GRM8: variants seen among roughly 807,000 people sequenced by gnomAD.
GRM8 encodes the protein glutamate metabotropic receptor 8, also known as metabotropic glutamate receptor 8.
A neutral mutation model predicts 87.2 loss-of-function variants in GRM8; 47 were observed. The observed-to-expected ratio is 0.54, with a 90% CI of 0.43 to 0.69. The LOEUF (loss-of-function observed/expected upper bound fraction) is 0.69, where lower values mean the gene tolerates loss of function less well. GRM8 is among the 30% of genes least tolerant of loss of function. GRM8 has a pLI of 0.00. For missense variants in GRM8, 1,019 were observed against 1,139.2 expected, an observed-to-expected ratio of 0.89 and a Z score of 1.52; for synonymous variants, 396 against 404.5, an observed-to-expected ratio of 0.98 and a Z score of 0.25.
chr7:126,941,345 C>A (rs923936235), intron 3 of GRM8, among the ~76,000 whole-genome samples: 2 of 151,442 alleles, frequency 1.3e-5, no homozygotes, highest in South Asian at 4.2e-4. Flanking sequence ...CGGTGACTCA[C>A]GGCTGTAATC....
chr7:127,046,456 T>A (rs1818940792), intron 3 of GRM8, among the ~76,000 whole-genome samples: 1 of 152,224 alleles, frequency 6.6e-6, no homozygotes, highest in Non-Finnish European at 1.5e-5. Flanking sequence ...AAGACAGAGT[T>A]ACTTACTAGC....
chr7:126,995,329 C>T (rs1396816660), intron 3 of GRM8, among the ~76,000 whole-genome samples: 1 of 152,182 alleles, frequency 6.6e-6, no homozygotes, highest in Non-Finnish European at 1.5e-5. Flanking sequence ...TCAAGACCAT[C>T]TAGGAAAACA....
At chr7:127,206,774 C>T (rs1428346238) in intron 2 of GRM8, among the ~76,000 whole-genome samples, 1 of 152,184 alleles carries the variant, frequency 6.6e-6, no homozygotes, top group Non-Finnish European at 1.5e-5. Context: ...TTCATAAATC[C>T]TCTGTGCAAA....
intron 7 of GRM8, among the ~76,000 whole-genome samples, chr7:126,713,607 GT>G (rs1811367362): frequency 1.1e-5 from 1 of 88,706 alleles, no homozygotes; most frequent in African/African-American, 4.3e-5. Flanking sequence ...AGAACTTAAA[GT>G]AAAAAAAAAA....
At chr7:127,177,695 G>A (rs529171246) in intron 2 of GRM8, among the ~76,000 whole-genome samples, 3 of 152,176 alleles carry the variant, frequency 2.0e-5, no homozygotes, top group Non-Finnish European at 4.4e-5. Flanking sequence ...ACAACCCCCA[G>A]TACCAGTCCA....
At chr7:126,730,282 A>G (rs1271715607) in intron 7 of GRM8, among the ~76,000 whole-genome samples, 1 of 152,188 alleles carries the variant, frequency 6.6e-6, no homozygotes, top group Non-Finnish European at 1.5e-5. Flanking sequence ...ATGAAGCTTG[A>G]TCAAAGATTT....
At chr7:126,828,624 A>C (rs1249738714) in intron 6 of GRM8, among the ~76,000 whole-genome samples, 3 of 151,998 alleles carry the variant, frequency 2.0e-5, no homozygotes, top group Non-Finnish European at 4.4e-5. Context: ...TCTTGCTAGC[A>C]GTCTATCAAT....
At chr7:127,006,423 T>TTCCG (rs986070355) in intron 3 of GRM8, among the ~76,000 whole-genome samples, 3 of 152,026 alleles carry the variant, frequency 2.0e-5, no homozygotes, top group Non-Finnish European at 2.9e-5. Flanking sequence ...CCCCTTCAGC[T>TTCCG]TCCGTCCATT....
chr7:126,968,274 T>C (rs546888047), intron 3 of GRM8, among the ~76,000 whole-genome samples: 8 of 152,210 alleles, frequency 5.3e-5, no homozygotes, highest in Non-Finnish European at 1.0e-4. Flanking sequence ...ATAAAATATT[T>C]CTATGCCAGT....
intron 9 of GRM8, among the ~76,000 whole-genome samples, chr7:126,484,857 A>G (rs1384796833): frequency 6.6e-6 from 1 of 150,622 alleles, no homozygotes; most frequent in African/African-American, 2.4e-5. Context: ...CTGTGCTAGC[A>G]TGGATCTATC....
At chr7:127,187,069 C>T (rs915651974) in intron 2 of GRM8, among the ~76,000 whole-genome samples, 1 of 152,182 alleles carries the variant, frequency 6.6e-6, no homozygotes, top group Non-Finnish European at 1.5e-5. Flanking sequence ...TTCAGTGAGG[C>T]CCCTCTTACC....
At chr7:127,023,437 C>A (rs1816472809) in intron 3 of GRM8, among the ~76,000 whole-genome samples, 1 of 151,966 alleles carries the variant, frequency 6.6e-6, no homozygotes, top group Non-Finnish European at 1.5e-5. Context: ...ATTCATAGAA[C>A]CACACAGTAT....
At chr7:126,465,421 T>G (rs1360027572) in intron 9 of GRM8, 4 of 151,658 alleles carry the variant, frequency 2.6e-5, no homozygotes, top group African/African-American at 9.7e-5. Flanking sequence ...TAGCTCAATC[T>G]CGGTATTTGA....
Position 127,196,930 on chromosome 7 carries a change from C to G in GRM8, c.510+45765G>C, listed in dbSNP as rs1182864915. 2.6e-5 allele frequency among the ~76,000 whole-genome samples: 4 copies of G among 152,084 alleles called. No individual in the cohort carries two copies. In the East Asian group the frequency reaches 7.7e-4, roughly 29 times the overall value. Reference sequence around the variant, plus strand: ...TGAGACTGGGTCTCACTATGTTGCCCAGGCTGGTCTCAAACCTGTTGGTCT... The same window carrying G: ...TGAGACTGGGTCTCACTATGTTGCCGAGGCTGGTCTCAAACCTGTTGGTCT... On this transcript the variant is annotated intron_variant, in intron 2 of 10. Transcript: ENST00000339582.
At chr7:127,077,297 C>T (rs1822385126) in intron 3 of GRM8, among the ~76,000 whole-genome samples, 1 of 152,198 alleles carries the variant, frequency 6.6e-6, no homozygotes, top group East Asian at 1.9e-4. Context: ...CTCTAACTGG[C>T]TTGTTCTTTC....
At chr7:126,579,085 C>T (rs577828410) in intron 8 of GRM8, among the ~76,000 whole-genome samples, 1 of 152,152 alleles carries the variant, frequency 6.6e-6, no homozygotes, top group South Asian at 2.1e-4. Flanking sequence ...TTCTACTCCT[C>T]CCACTAAAAA....
chr7:126,825,237 G>T lies in GRM8; in HGVS notation c.1157-55172C>A, dbSNP rs559293256. ...GCACACCACCATGCCTGGCTAATTT[G>T]TTGTATTTTTAGTAGAGACAGGGTT... is the stretch of plus-strand genomic sequence containing the variant. On this transcript the variant is annotated intron_variant, in intron 6 of 10. Coordinates refer to ENST00000339582, the MANE Select transcript of GRM8 (RefSeq NM_000845.3). Among the ~76,000 whole-genome samples, 11 of 151,928 alleles carry T rather than the reference G, an allele frequency of 7.2e-5. No homozygotes were observed. In the South Asian group the frequency reaches 2.1e-3, roughly 29 times the overall value.
chr7:126,559,525 TAACA>T (rs1329888699), intron 8 of GRM8, among the ~76,000 whole-genome samples: 10 of 152,348 alleles, frequency 6.6e-5, no homozygotes. Flanking sequence ...TCTCCAACTT[TAACA>T]AACAGATTCA....
At position 126,892,304 on chromosome 7, in the gene GRM8, G is replaced by A. The variant is rs369043817; in HGVS notation, c.1156+10238C>T. Among the ~76,000 whole-genome samples the A allele has an allele frequency of 4.4e-3, 665 of 151,442 alleles. 4 individuals are homozygous for A. The highest frequency in any genetic ancestry group is 0.01 in the Middle Eastern group (3 of 294). On this transcript the variant is annotated intron_variant, in intron 6 of 10. Transcript: ENST00000339582. ...GCTATCCCTCCCCAAACCCCACAACGGTCCCCAGAGTGTGATGTTCCCCTT... is the reference window on the plus strand; with the variant it reads ...GCTATCCCTCCCCAAACCCCACAACAGTCCCCAGAGTGTGATGTTCCCCTT...
Sources: gnomAD v4.1 joint callset for allele counts (sites outside exome capture counted in the v4.1 genomes callset) on GRCh38, gnomAD v4.1.1 for gene constraint, MANE v1.5 for transcripts, NCBI Gene and HGNC (gene_info 2026-07-23, HGNC 2026-07-21) for gene names.